ST6GALNAC2: variants seen among roughly 807,000 people sequenced by gnomAD.
ST6GALNAC2 encodes the protein alpha-N-acetylgalactosaminide alpha-2,6-sialyltransferase 2.
Under a neutral mutation model 38.7 loss-of-function variants are expected in ST6GALNAC2, and 42 were observed. The ratio of observed to expected loss-of-function variants is 1.09; its 90% CI spans 0.85 to 1.40. ST6GALNAC2 has a LOEUF of 1.40. ST6GALNAC2 is among the 40% of genes most tolerant of loss of function. The pLI is 0.00. For synonymous variants in ST6GALNAC2, 233 were observed against 209.0 expected (o/e 1.11, Z -0.99); for missense variants, 506 against 481.7 (o/e 1.05, Z -0.47).
intron 6 of ST6GALNAC2, chr17:76,569,273 G>C (rs1299976849): frequency 9.7e-6 from 3 of 309,526 alleles, no homozygotes; most frequent in African/African-American, 7.5e-5. Context: ...TTCTGAATTG[G>C]CCCGATATAG....
At chr17:76,570,745 AACCTTGCCCCCTGAGCC>A in intron 5 of ST6GALNAC2, 77 bp from the exon 6 acceptor site, 10 of 1,146,798 alleles carry the variant, frequency 8.7e-6, no homozygotes, top group Non-Finnish European at 1.3e-6. Flanking sequence ...CCCTCCACCC[AACCTTGCCCCCTGAGCC>A]GACTGGAGAA....
intron 1 of ST6GALNAC2, among the ~76,000 whole-genome samples, chr17:76,582,534 G>C (rs953755580): frequency 1.3e-5 from 2 of 152,116 alleles, no homozygotes; most frequent in Admixed American, 6.6e-5. Context: ...ACAATGGATA[G>C]TAACTGGCAG....
intron 4 of ST6GALNAC2, 134 bp from the exon 5 acceptor site, chr17:76,572,909 C>T: frequency 8.7e-7 from 1 of 1,150,052 alleles, no homozygotes; most frequent in East Asian, 2.4e-5. Context: ...AGTACCAGTG[C>T]CCAGTTGTCA....
intron 8 of ST6GALNAC2, among the ~76,000 whole-genome samples, chr17:76,566,724 G>T (rs2075288285): frequency 6.6e-6 from 1 of 151,624 alleles, no homozygotes; most frequent in African/African-American, 2.4e-5. Flanking sequence ...AGAGCTGGGC[G>T]TGGCAGTACA....
chr17:76,584,021 G>GA (rs370930417), intron 1 of ST6GALNAC2, among the ~76,000 whole-genome samples: 1 of 146,092 alleles, frequency 6.8e-6, no homozygotes, highest in South Asian at 2.2e-4. Context: ...TGTTAGCCAG[G>GA]TGAAAGCCAG....
At chr17:76,574,800 C>G (rs2075396882) in intron 2 of ST6GALNAC2, among the ~76,000 whole-genome samples, 2 of 152,102 alleles carry the variant, frequency 1.3e-5, no homozygotes, top group African/African-American at 2.4e-5. Flanking sequence ...CCTCAGCCTG[C>G]CGAGTAGCTG....
chr17:76,573,354 G>C lies in ST6GALNAC2; in HGVS notation c.371C>G (p.Ser124Cys). ...WRGLSHQVIA[S>C]TLSLLNGSES... Reference sequence around the variant, plus strand: ...TGAGCCGTTCAGAAGGCTCAGGGTGGAGGCGATGACTGTGGGTGCAGATGG... The same window carrying C: ...TGAGCCGTTCAGAAGGCTCAGGGTGCAGGCGATGACTGTGGGTGCAGATGG... Residue 124 changes from serine to cysteine, a missense_variant, in exon 4 of 9, where the codon TCC (serine) becomes TGC (cysteine). Ser to Cys is a moderately radical substitution (Grantham distance 112). Coordinates refer to ENST00000225276, the MANE Select transcript of ST6GALNAC2 (RefSeq NM_006456.3). The surrounding 1 kb of genome is among the most constrained non-coding windows in gnomAD (Gnocchi z 5.1). 6.5e-7 allele frequency: 1 copy of C among 1,547,974 alleles called. No individual in the cohort carries two copies. Among genetic ancestry groups the C allele is most frequent in the Non-Finnish European group, 8.7e-7 (1 of 1,145,550 alleles).
At chr17:76,574,574 G>A (rs753352791) in intron 2 of ST6GALNAC2, 35 bp from the exon 3 acceptor site, 12 of 1,533,218 alleles carry the variant, frequency 7.8e-6, no homozygotes, top group African/African-American at 1.4e-5. Context: ...AGCCCCGTTA[G>A]GTAGGGGCTG....
At chr17:76,570,784 T>C (rs1311730634) in intron 5 of ST6GALNAC2, 116 bp from the exon 6 acceptor site, 1 of 741,318 alleles carries the variant, frequency 1.3e-6, no homozygotes, top group Non-Finnish European at 2.3e-6. Context: ...TTCCCTTAAA[T>C]ACCTTTCATT....
At chr17:76,580,182 A>G (rs1192307872) in intron 1 of ST6GALNAC2, among the ~76,000 whole-genome samples, 1 of 152,222 alleles carries the variant, frequency 6.6e-6, no homozygotes, top group East Asian at 1.9e-4. Context: ...GTACTTTGGG[A>G]GACCGAGGTG....
At chr17:76,579,770 C>T (rs1365748333) in intron 1 of ST6GALNAC2, among the ~76,000 whole-genome samples, 1 of 152,196 alleles carries the variant, frequency 6.6e-6, no homozygotes, top group Non-Finnish European at 1.5e-5. Flanking sequence ...TACGTGCTCT[C>T]TTGTCTTTCT....
intron 1 of ST6GALNAC2, among the ~76,000 whole-genome samples, chr17:76,580,492 G>A (rs915248743): frequency 4.6e-5 from 7 of 152,066 alleles, no homozygotes; most frequent in Non-Finnish European, 7.4e-5. Flanking sequence ...TCAGGAGATC[G>A]AGACCATCCT....
intron 7 of ST6GALNAC2, chr17:76,568,414 A>ACTGCTGCTGACGGCGCCC: frequency 2.3e-6 from 1 of 429,144 alleles, no homozygotes. Flanking sequence ...TGACGGCGCC[A>ACTGCTGCTGACGGCGCCC]CTGCTGCTGT....
rs975946350 is a variant in ST6GALNAC2 at position 76,574,007 on chromosome 17, G to T, written c.361+358C>A. Among the ~76,000 whole-genome samples, 3 of 152,120 alleles carry T rather than the reference G, an allele frequency of 2.0e-5. No homozygotes were observed. The East Asian group carries it at 5.8e-4, about 29-fold the overall frequency. On this transcript the variant is annotated intron_variant, in intron 3 of 8. Coordinates refer to ENST00000225276, the MANE Select transcript of ST6GALNAC2 (RefSeq NM_006456.3). Reference sequence around the variant, plus strand: ...TGGGTGCAGGTATAATGTAGAGGGGGCTCTGGGCCTGCAGTGTGGGGGTTC... The same window carrying T: ...TGGGTGCAGGTATAATGTAGAGGGGTCTCTGGGCCTGCAGTGTGGGGGTTC...
intron 8 of ST6GALNAC2, among the ~76,000 whole-genome samples, 168 bp from the exon 9 acceptor site, chr17:76,566,439 C>G (rs995095413): frequency 6.6e-6 from 1 of 152,156 alleles, no homozygotes; most frequent in African/African-American, 2.4e-5. Context: ...GGGTGACTCA[C>G]TGTGTCCCCA....
At chr17:76,568,450 C>T (rs1253307480) in intron 7 of ST6GALNAC2, 1 of 505,660 alleles carries the variant, frequency 2.0e-6, no homozygotes, top group African/African-American at 1.9e-5. Flanking sequence ...AGCTCCCAGT[C>T]TGTGCCTTTG....
At chr17:76,576,364 A>G (rs533983290) in intron 2 of ST6GALNAC2, among the ~76,000 whole-genome samples, 4 of 152,372 alleles carry the variant, frequency 2.6e-5, no homozygotes, top group African/African-American at 9.6e-5. Context: ...AAATCGAAGA[A>G]AGACAGAAGC....
chr17:76,568,396 C>CCTGCTGCTGACGGCGCCA (rs58398423), intron 7 of ST6GALNAC2: 39,221 of 366,794 alleles, frequency 0.11, 2,767 homozygotes, highest in Middle Eastern at 0.13. Flanking sequence ...GTTCTGATGC[C>CCTGCTGCTGACGGCGCCA]CTGCTGCTGA....
chr17:76,579,278 T>C lies in ST6GALNAC2; in HGVS notation c.126-462A>G, dbSNP rs1598259964. On this transcript the variant is annotated intron_variant, in intron 1 of 8. Coordinates refer to ENST00000225276, the MANE Select transcript of ST6GALNAC2 (RefSeq NM_006456.3). ...GGCACACAGGATACTGTCACTTTCT[T>C]ATGTTTTGCCTCACTGTGTAAACTC... Among the ~76,000 whole-genome samples, 5 of 152,236 alleles carry C rather than the reference T, an allele frequency of 3.3e-5. No homozygotes were observed. In the South Asian group the frequency reaches 1.0e-3, roughly 32 times the overall value.
Sources: allele counts gnomAD v4.1 joint callset (sites outside exome capture counted in the v4.1 genomes callset), GRCh38; gene constraint gnomAD v4.1.1; non-coding constraint Gnocchi (gnomAD v3.1); transcripts MANE v1.5; gene names NCBI Gene and HGNC (gene_info 2026-07-23, HGNC 2026-07-21).